Variants in PRCP observed in about 807,000 individuals in gnomAD.
PRCP encodes the protein prolylcarboxypeptidase.
In PRCP, 46 loss-of-function variants were observed where a neutral mutation model predicts 54.2. The observed-to-expected ratio is 0.85, with a 90% CI of 0.67 to 1.09. The LOEUF is 1.09. Among genes scored for constraint, PRCP ranks in the 50% least tolerant of loss-of-function variants. The pLI, the probability that PRCP is intolerant of heterozygous loss-of-function variation, is 0.00. For missense variants in PRCP, 613 were observed against 596.8 expected, an observed-to-expected ratio of 1.03 and a Z score of -0.28; for synonymous variants, 240 against 212.2, an observed-to-expected ratio of 1.13 and a Z score of -1.14.
At chr11:82,834,657 C>T (rs1428361378) in intron 8 of PRCP, among the ~76,000 whole-genome samples, 1 of 152,156 alleles carries the variant, frequency 6.6e-6, no homozygotes, top group Non-Finnish European at 1.5e-5. Context: ...GAACAGAAAA[C>T]CAAACACTGC....
chr11:82,848,930 T>C (rs1858875965), intron 6 of PRCP, 119 bp downstream of exon 6: 3 of 1,041,754 alleles, frequency 2.9e-6, no homozygotes, highest in Non-Finnish European at 4.1e-6. Context: ...CCAGCTCAAG[T>C]TTGACAAACT....
At chr11:82,834,500 G>A (rs946226141) in intron 8 of PRCP, among the ~76,000 whole-genome samples, 45 of 152,286 alleles carry the variant, frequency 3.0e-4, no homozygotes, top group African/African-American at 8.4e-4. Context: ...GCAGTTTTAC[G>A]TTTTCCATTA....
At chr11:82,892,726 T>C (rs1487221939) in intron 1 of PRCP, among the ~76,000 whole-genome samples, 1 of 152,242 alleles carries the variant, frequency 6.6e-6, no homozygotes, top group African/African-American at 2.4e-5. Context: ...AAGAAAACAT[T>C]TTAAAAATTC....
At chr11:82,842,940 G>A (rs1047789459) in intron 6 of PRCP, among the ~76,000 whole-genome samples, 3 of 152,150 alleles carry the variant, frequency 2.0e-5, no homozygotes, top group Admixed American at 6.5e-5. Context: ...TGGTAGCAGA[G>A]TGAATGAAGT....
At chr11:82,832,155 G>A (rs1173997058) in intron 8 of PRCP, among the ~76,000 whole-genome samples, 1 of 152,084 alleles carries the variant, frequency 6.6e-6, no homozygotes, top group Non-Finnish European at 1.5e-5. Context: ...CTCTGCTATT[G>A]TGAATAGTGC....
chr11:82,839,507 G>T lies in PRCP; in HGVS notation c.922-82C>A, dbSNP rs111599514. 1.1e-5 allele frequency: 16 copies of T among 1,396,968 alleles called. No homozygotes were observed. In the African/African-American group the frequency reaches 1.5e-4, roughly 13 times the overall value. The allele number at this position is 1,396,968 out of a possible 1,614,324, so 86.5% of individuals were successfully genotyped here. A position where few individuals can be genotyped will look rare whatever the true frequency, so the allele number is the denominator to read the frequency against. On this transcript the variant is annotated intron_variant, in intron 6 of 8. Coordinates refer to ENST00000313010, the MANE Select transcript of PRCP (RefSeq NM_005040.4). ...GTTTAATAACACAAAGAAGAAATATGATTTTGATCTGATCATAAAATATTC... is the reference window on the plus strand; with the variant it reads ...GTTTAATAACACAAAGAAGAAATATTATTTTGATCTGATCATAAAATATTC...
intron 1 of PRCP, among the ~76,000 whole-genome samples, chr11:82,890,117 G>A (rs144983069): frequency 0.012 from 1,757 of 152,290 alleles, 17 homozygotes; most frequent in Middle Eastern, 0.034. Context: ...AATGTAGCTA[G>A]AGAAACATAC....
At chr11:82,897,052 T>C (rs1459160360) in intron 1 of PRCP, among the ~76,000 whole-genome samples, 1 of 152,188 alleles carries the variant, frequency 6.6e-6, no homozygotes, top group African/African-American at 2.4e-5. Flanking sequence ...GTAATAAGCA[T>C]GCAACATTGT....
intron 8 of PRCP, among the ~76,000 whole-genome samples, chr11:82,834,849 C>T (rs182954779): frequency 1.0e-3 from 156 of 152,182 alleles, no homozygotes; most frequent in African/African-American, 3.5e-3. Context: ...CCGAGGCAGG[C>T]GGATCACCTG....
chr11:82,863,378 G>A (rs1213626968), intron 1 of PRCP, among the ~76,000 whole-genome samples: 1 of 152,120 alleles, frequency 6.6e-6, no homozygotes, highest in Non-Finnish European at 1.5e-5. Flanking sequence ...TAAGCTAACT[G>A]TATCATTTGA....
intron 3 of PRCP, among the ~76,000 whole-genome samples, chr11:82,852,062 C>T (rs1001944716): frequency 1.3e-5 from 2 of 152,164 alleles, no homozygotes; most frequent in South Asian, 4.1e-4. Flanking sequence ...ATTTTGCTAA[C>T]ACAGTATCAT....
chr11:82,840,700 T>A (rs148237149), intron 6 of PRCP: 1 of 152,132 alleles, frequency 6.6e-6, no homozygotes, highest in Non-Finnish European at 1.5e-5. Flanking sequence ...CAACAGCTAG[T>A]AATTATTAAG....
Position 82,824,786 on chromosome 11 carries a change from C to A in PRCP, c.*120G>T, listed in dbSNP as rs1046064079. Reference sequence around the variant, plus strand: ...GTCATCACCCTCTATTCTATCTCAACTTTGGCCCCATCAAATCTAATGATA... The same window carrying A: ...GTCATCACCCTCTATTCTATCTCAAATTTGGCCCCATCAAATCTAATGATA... On this transcript the variant is annotated 3_prime_UTR_variant, in exon 9 of 9. Transcript: ENST00000313010. The A allele has an allele frequency of 2.9e-5, 29 of 1,013,448 alleles. 1 individual carries two copies. The South Asian group carries it at 4.3e-4, about 15-fold the overall frequency. 62.8% of individuals were successfully genotyped at this position (1,013,448 alleles called of 1,614,324 possible).
chr11:82,837,372 G>A (rs1382175700), intron 8 of PRCP: 2 of 152,298 alleles, frequency 1.3e-5, no homozygotes, highest in African/African-American at 4.8e-5. Context: ...TGAAATCCTT[G>A]CAAGATGGCA....
chr11:82,900,639 C>T, upstream of PRCP: 1 of 675,490 alleles, frequency 1.5e-6, no homozygotes, highest in Non-Finnish European at 2.7e-6. Context: ...CCATCTGCTC[C>T]TTAGCACTCA....
chr11:82,869,070 C>T (rs950334695), intron 1 of PRCP, among the ~76,000 whole-genome samples: 3 of 151,430 alleles, frequency 2.0e-5, no homozygotes, highest in Non-Finnish European at 2.9e-5. Flanking sequence ...AAAAGAAAAA[C>T]CTAGGCCAGG....
chr11:82,858,150 A>G (rs925466649), intron 2 of PRCP: 3 of 152,268 alleles, frequency 2.0e-5, no homozygotes, highest in African/African-American at 7.2e-5. Context: ...TCAATGTAAT[A>G]TATCAACATC....
At chr11:82,861,231 C>T (rs541211364) in intron 1 of PRCP, among the ~76,000 whole-genome samples, 42 of 152,172 alleles carry the variant, frequency 2.8e-4, no homozygotes, top group Admixed American at 1.6e-3. Context: ...TTGATGGCTA[C>T]GAATAGTCCC....
At chr11:82,884,533 G>A (rs1389147236) in intron 1 of PRCP, among the ~76,000 whole-genome samples, 1 of 152,110 alleles carries the variant, frequency 6.6e-6, no homozygotes. Context: ...CTCCCACCTG[G>A]GAGTGAGACC....
Sources: gnomAD v4.1 joint callset for allele counts (sites outside exome capture counted in the v4.1 genomes callset) on GRCh38, gnomAD v4.1.1 for gene constraint, MANE v1.5 for transcripts, NCBI Gene and HGNC (gene_info 2026-07-23, HGNC 2026-07-21) for gene names.